Variants in ST8SIA1 observed in about 807,000 individuals in gnomAD.
ST8SIA1 encodes the protein alpha-N-acetylneuraminide alpha-2,8-sialyltransferase.
A neutral mutation model predicts 35.9 loss-of-function variants in ST8SIA1; 16 were observed. The observed-to-expected ratio is 0.45, with a 90% CI of 0.30 to 0.68. The LOEUF is 0.68. Ranked by LOEUF, ST8SIA1 falls within the 30% of genes least tolerant of loss-of-function variation. ST8SIA1 has a pLI of 0.09. For missense variants in ST8SIA1, 383 were observed against 453.6 expected, an observed-to-expected ratio of 0.84 and a Z score of 1.41; for synonymous variants, 170 against 169.6, an observed-to-expected ratio of 1.00 and a Z score of -0.02.
intron 4 of ST8SIA1, among the ~76,000 whole-genome samples, chr12:22,213,507 T>G (rs1377831149): frequency 1.3e-5 from 2 of 152,082 alleles, no homozygotes. Flanking sequence ...ATATCTGAAA[T>G]GAATTTTGAA....
chr12:22,325,251 A>G, intron 1 of ST8SIA1: 1 of 553,566 alleles, frequency 1.8e-6, no homozygotes, highest in East Asian at 3.0e-5. Flanking sequence ...AACAAACTAA[A>G]GATTTTGCAT....
At chr12:22,228,204 G>T (rs1475173187) in intron 4 of ST8SIA1, among the ~76,000 whole-genome samples, 1 of 152,228 alleles carries the variant, frequency 6.6e-6, no homozygotes, top group African/African-American at 2.4e-5. Context: ...AATTCACACA[G>T]CTTTGGGATT....
chr12:22,277,892 G>A (rs190009926), intron 2 of ST8SIA1, among the ~76,000 whole-genome samples: 81 of 152,268 alleles, frequency 5.3e-4, no homozygotes, highest in Non-Finnish European at 9.6e-4. Flanking sequence ...AAGAAAAGAA[G>A]CAGGAGAAAG....
At chr12:22,232,827 C>T (rs1865434954) in intron 4 of ST8SIA1, among the ~76,000 whole-genome samples, 1 of 151,714 alleles carries the variant, frequency 6.6e-6, no homozygotes, top group East Asian at 1.9e-4. Context: ...GACAGAGACT[C>T]TGCCTCAAAA....
intron 4 of ST8SIA1, among the ~76,000 whole-genome samples, chr12:22,215,142 C>G (rs1357629525): frequency 6.6e-6 from 1 of 152,134 alleles, no homozygotes; most frequent in African/African-American, 2.4e-5. Flanking sequence ...GACTCTTTTC[C>G]AAGTCTCCCC....
chr12:22,196,173 A>G lies in ST8SIA1; in HGVS notation c.*5379T>C, dbSNP rs1482872147. ...AAAGTTAGAGTCATAGGCTTTGATT[A>G]TCTGGCAAATGCTCGCAGGCATGTA... On this transcript the variant is annotated 3_prime_UTR_variant, in exon 5 of 5. Coordinates refer to ENST00000396037, the MANE Select transcript of ST8SIA1 (RefSeq NM_003034.4). 1 of 152,230 alleles carries G rather than the reference A, an allele frequency of 6.6e-6. No homozygotes were observed. The allele number at this position is 152,230 out of a possible 1,614,324, so 9.4% of individuals were successfully genotyped here. A position where few individuals can be genotyped will look rare whatever the true frequency, so the allele number is the denominator to read the frequency against.
intron 4 of ST8SIA1, among the ~76,000 whole-genome samples, chr12:22,238,290 T>C (rs1442783053): frequency 6.6e-6 from 1 of 152,200 alleles, no homozygotes; most frequent in Non-Finnish European, 1.5e-5. Context: ...TGTAAGGCTA[T>C]TAAAACATCA....
rs547558887 is a variant in ST8SIA1, at chr12:22,238,548, T to A, written c.584+10458A>T. Among the ~76,000 whole-genome samples the A allele has an allele frequency of 2.6e-5, 4 of 152,346 alleles. No individual in the cohort carries two copies. The East Asian group carries it at 7.7e-4, about 29-fold the overall frequency. Reference sequence around the variant, plus strand: ...CATGAGACAGATCTGTTCAGCCTAGTTCTTCCTGAATTCCTGACCCACAGA... The same window carrying A: ...CATGAGACAGATCTGTTCAGCCTAGATCTTCCTGAATTCCTGACCCACAGA... On this transcript the variant is annotated intron_variant, in intron 4 of 4. Transcript: ENST00000396037.
rs200935914 is a variant in ST8SIA1 at position 22,294,327 on chromosome 12, C to T, written c.237-7034G>A. Among the ~76,000 whole-genome samples, 9 of 152,090 alleles carry T rather than the reference C, an allele frequency of 5.9e-5. No homozygotes were observed. The East Asian group carries it at 1.7e-3, about 29-fold the overall frequency. The stretch of plus-strand genomic sequence containing the variant: ...GGTATTGGGGCAACTGTATTGGTTC[C>T]CTGCAGTAGGTAACATCATTGACCT... On this transcript the variant is annotated intron_variant, in intron 1 of 4. Coordinates refer to ENST00000396037, the MANE Select transcript of ST8SIA1 (RefSeq NM_003034.4).
chr12:22,195,206 A>AAAAG lies in ST8SIA1; in HGVS notation c.*6345_*6346insCTTT, dbSNP rs1864970025. 1 of 92,678 alleles carries AAAAG rather than the reference A, an allele frequency of 1.1e-5. No homozygotes were observed. The highest frequency in any genetic ancestry group is 2.6e-5 in the Non-Finnish European group (1 of 38,004). The allele number at this position is 92,678 out of a possible 1,614,324, so 5.7% of individuals were successfully genotyped here. A position where few individuals can be genotyped will look rare whatever the true frequency, so the allele number is the denominator to read the frequency against. On this transcript the variant is annotated 3_prime_UTR_variant, in exon 5 of 5. Coordinates refer to ENST00000396037, the MANE Select transcript of ST8SIA1 (RefSeq NM_003034.4). ...GTCTCAACAAAAAAAAAAAAAAAAA[A>AAAAG]AAAAAAGAAAGAAAGAAAGAAAGGA...
chr12:22,331,529 CAGA>C (rs1398501308), intron 1 of ST8SIA1, among the ~76,000 whole-genome samples: 2 of 152,252 alleles, frequency 1.3e-5, no homozygotes, highest in Non-Finnish European at 2.9e-5. Flanking sequence ...TGTATTTATG[CAGA>C]AGATGTTTCA....
At position 22,223,274 on chromosome 12, in the gene ST8SIA1, C is replaced by T. The variant is rs117880211; in HGVS notation, c.585-21236G>A. The T allele has an allele frequency of 9.3e-3, 1,425 of 154,032 alleles. 20 individuals carry two copies. The highest frequency in any genetic ancestry group is 0.012 in the Non-Finnish European group (825 of 69,636). The allele number at this position is 154,032 out of a possible 1,614,324, so 9.5% of individuals were successfully genotyped here. A position where few individuals can be genotyped will look rare whatever the true frequency, so the allele number is the denominator to read the frequency against. ...TCATGCATTATATATGCTTCTATTT[C>T]ATGCTTTTTAAAAAATGTTTAATCA... is the stretch of plus-strand genomic sequence containing the variant. On this transcript the variant is annotated intron_variant, in intron 4 of 4. Coordinates refer to ENST00000396037, the MANE Select transcript of ST8SIA1 (RefSeq NM_003034.4).
At chr12:22,250,494 C>T (rs1865656654) in intron 3 of ST8SIA1, among the ~76,000 whole-genome samples, 1 of 152,000 alleles carries the variant, frequency 6.6e-6, no homozygotes, top group Non-Finnish European at 1.5e-5. Flanking sequence ...TTACTGAGTC[C>T]TCATTTCTCC....
intron 2 of ST8SIA1, among the ~76,000 whole-genome samples, chr12:22,280,150 T>C (rs960876486): frequency 6.6e-6 from 1 of 152,210 alleles, no homozygotes; most frequent in African/African-American, 2.4e-5. Flanking sequence ...CGACTCCTAA[T>C]AGAGTTTAAA....
At chr12:22,313,647 T>C (rs1311123901) in intron 1 of ST8SIA1, among the ~76,000 whole-genome samples, 1 of 152,220 alleles carries the variant, frequency 6.6e-6, no homozygotes, top group Non-Finnish European at 1.5e-5. Flanking sequence ...GTATACTTAA[T>C]TGCACTCATA....
chr12:22,317,361 A>G (rs1056975157), intron 1 of ST8SIA1, among the ~76,000 whole-genome samples: 5 of 152,198 alleles, frequency 3.3e-5, no homozygotes, highest in Non-Finnish European at 5.9e-5. Context: ...AGCAGCTTAA[A>G]ACAGCCAAGA....
intron 4 of ST8SIA1, among the ~76,000 whole-genome samples, chr12:22,240,138 T>C (rs1278882286): frequency 2.1e-4 from 32 of 152,182 alleles, no homozygotes; most frequent in Non-Finnish European, 7.3e-5. Flanking sequence ...TAGCTTCTAC[T>C]AGATGCAGTT....
At chr12:22,210,609 A>T (rs146664643) in intron 4 of ST8SIA1, among the ~76,000 whole-genome samples, 54 of 152,328 alleles carry the variant, frequency 3.5e-4, no homozygotes, top group African/African-American at 1.3e-3. Flanking sequence ...CTGGGCCTCC[A>T]GAACTTCTGA....
intron 1 of ST8SIA1, among the ~76,000 whole-genome samples, chr12:22,288,451 G>C: frequency 6.6e-6 from 1 of 152,174 alleles, no homozygotes; most frequent in Admixed American, 6.5e-5. Context: ...TTCAATACGT[G>C]GTAGGTGTTC....
Sources: gnomAD v4.1 joint callset for allele counts (sites outside exome capture counted in the v4.1 genomes callset) on GRCh38, gnomAD v4.1.1 for gene constraint, MANE v1.5 for transcripts, NCBI Gene and HGNC (gene_info 2026-07-23, HGNC 2026-07-21) for gene names.